Variants in MED26 observed in about 807,000 individuals in gnomAD.
The protein encoded by MED26 is mediator of RNA polymerase II transcription subunit 26.
Under a neutral mutation model 43.7 loss-of-function variants are expected in MED26, and 7 were observed. The ratio of observed to expected loss-of-function variants is 0.16; its 90% CI spans 0.09 to 0.30. The LOEUF is 0.30. Ranked by LOEUF, MED26 falls within the 10% of genes least tolerant of loss-of-function variation. MED26 has a pLI of 1.00. For missense variants in MED26, 784 were observed against 840.6 expected (o/e 0.93, Z 0.83); for synonymous variants, 375 against 371.1 (o/e 1.01, Z -0.12).
In MED26 at chr19:16,607,619, C is replaced by T. The variant is rs549751611; in HGVS notation, c.72+20253G>A. ...TCAACCCCGGAGCCCTGAGAGAACC[C>T]GGGGAGGTAATACATCTGGAGCAAG... On this transcript the variant is annotated intron_variant, in intron 1 of 2. Coordinates refer to ENST00000263390, the MANE Select transcript of MED26 (RefSeq NM_004831.5). 1.1e-4 allele frequency among the ~76,000 whole-genome samples: 17 copies of T among 152,282 alleles called. No individual in the cohort carries two copies. In the South Asian group the frequency reaches 2.7e-3, roughly 24 times the overall value.
chr19:16,606,980 C>A (rs1296956732), intron 1 of MED26, among the ~76,000 whole-genome samples: 1 of 152,140 alleles, frequency 6.6e-6, no homozygotes, highest in Admixed American at 6.5e-5. Context: ...GTCTCAGACT[C>A]CCAAAGTGTC....
In MED26 at chr19:16,623,762, C is replaced by T. The variant is rs117968931; in HGVS notation, c.72+4110G>A. On this transcript the variant is annotated intron_variant, in intron 1 of 2. Coordinates refer to ENST00000263390, the MANE Select transcript of MED26 (RefSeq NM_004831.5). ...GCCTCTTCCGGAGCCATCTCTCCAA[C>T]TTTCAAGGCAGCGTGGTGGTGTTCA... Among the ~76,000 whole-genome samples the T allele has an allele frequency of 1.8e-3, 276 of 152,296 alleles. 7 individuals carry two copies. The East Asian group carries it at 0.046, about 26-fold the overall frequency.
chr19:16,623,655 C>G (rs911564538), intron 1 of MED26, among the ~76,000 whole-genome samples: 1 of 152,170 alleles, frequency 6.6e-6, no homozygotes, highest in African/African-American at 2.4e-5. Flanking sequence ...CAGCCCCAAT[C>G]TGTAATCTCA....
At position 16,586,006 on chromosome 19, in the gene MED26, G is replaced by A. The variant is rs1204895881; in HGVS notation, c.73-7597C>T. Among the ~76,000 whole-genome samples, 1 of 152,236 alleles carries A rather than the reference G, an allele frequency of 6.6e-6. No individual in the cohort carries two copies. Among genetic ancestry groups the A allele is most frequent in the Non-Finnish European group, 1.5e-5 (1 of 68,036 alleles). On this transcript the variant is annotated intron_variant, in intron 1 of 2. Coordinates refer to ENST00000263390, the MANE Select transcript of MED26 (RefSeq NM_004831.5). This position sits in a 1 kb window ranked among gnomAD's most constrained non-coding sequence, Gnocchi z 5.1. ...GTCTGAAACAAGGAACTGAGACTGA[G>A]TTTTGAGTCCCAGCAGCCCCTTGGC...
chr19:16,611,156 G>GCA (rs770963032), intron 1 of MED26: 3 of 152,812 alleles, frequency 2.0e-5, no homozygotes, highest in Non-Finnish European at 4.4e-5. Flanking sequence ...TGGAGAACAT[G>GCA]CATCCTGGCA....
intron 1 of MED26, among the ~76,000 whole-genome samples, chr19:16,619,363 C>T (rs1033254445): frequency 3.3e-5 from 5 of 152,148 alleles, no homozygotes; most frequent in Admixed American, 1.3e-4. Flanking sequence ...ACAGGAGAGC[C>T]GTTAGCTACC....
chr19:16,580,675 G>A (rs1568280146), intron 1 of MED26, among the ~76,000 whole-genome samples: 1 of 152,080 alleles, frequency 6.6e-6, no homozygotes, highest in Non-Finnish European at 1.5e-5. Context: ...CCGGCCCAGA[G>A]TTCAGCTCTT....
At chr19:16,612,301 T>G (rs2086203191) in intron 1 of MED26, 1 of 152,216 alleles carries the variant, frequency 6.6e-6, no homozygotes, top group Non-Finnish European at 1.5e-5. Context: ...GGTTTTTTTC[T>G]TGAGACAGGG....
Position 16,597,370 on chromosome 19 carries a change from G to A in MED26, c.73-18961C>T, listed in dbSNP as rs79972901. The A allele has an allele frequency of 5.7e-3, 2,267 of 398,526 alleles. 15 individuals are homozygous for A. The highest frequency in any genetic ancestry group is 6.3e-3 in the Non-Finnish European group (1,429 of 226,058). 24.7% of individuals were successfully genotyped at this position (398,526 alleles called of 1,614,324 possible). On this transcript the variant is annotated intron_variant, in intron 1 of 2. Transcript: ENST00000263390. ...CAGATCCCAGTATGACACATTCTCC[G>A]ACATTCCCACTTTCCTAGTTTATTT...
intron 1 of MED26, among the ~76,000 whole-genome samples, chr19:16,613,209 T>TA (rs1423921685): frequency 6.6e-6 from 1 of 152,204 alleles, no homozygotes; most frequent in Non-Finnish European, 1.5e-5. Flanking sequence ...CCCAAACTCT[T>TA]ACATATTAAA....
chr19:16,628,057 G>A lies in MED26; in HGVS notation c.-114C>T. 5.3e-6 allele frequency: 3 copies of A among 570,772 alleles called. No homozygotes were observed. The highest frequency in any genetic ancestry group is 8.0e-6 in the Non-Finnish European group (3 of 377,336). 35.4% of individuals were successfully genotyped at this position (570,772 alleles called of 1,614,324 possible). ...GAGCCGGAGCCGCATGTTCCCCGCGGCGCCGGGGGGTTGGGGGCGCGCGGG... is the reference window on the plus strand; with the variant it reads ...GAGCCGGAGCCGCATGTTCCCCGCGACGCCGGGGGGTTGGGGGCGCGCGGG... On this transcript the variant is annotated 5_prime_UTR_variant, in exon 1 of 3. Coordinates refer to ENST00000263390, the MANE Select transcript of MED26 (RefSeq NM_004831.5).
intron 1 of MED26, among the ~76,000 whole-genome samples, chr19:16,578,965 C>G (rs182693981): frequency 2.0e-5 from 3 of 152,240 alleles, no homozygotes; most frequent in African/African-American, 7.2e-5. Context: ...GTTGGGTGTG[C>G]TGGCATGCGC....
At chr19:16,582,143 G>C (rs115734524) in intron 1 of MED26, among the ~76,000 whole-genome samples, 6,303 of 152,336 alleles carry the variant, frequency 0.041, 178 homozygotes, top group African/African-American at 0.084. Context: ...GAGAGGGTGA[G>C]TGTCCAGTGC....
At chr19:16,591,877 T>C (rs1321314959) in intron 1 of MED26, among the ~76,000 whole-genome samples, 3 of 152,230 alleles carry the variant, frequency 2.0e-5, no homozygotes, top group Admixed American at 6.5e-5. Context: ...AAATCCTGAC[T>C]TTCCCCGCTA....
chr19:16,618,910 G>A (rs968018760), intron 1 of MED26, among the ~76,000 whole-genome samples: 2 of 152,148 alleles, frequency 1.3e-5, no homozygotes, highest in Admixed American at 6.5e-5. Context: ...TCCTGAAACT[G>A]CTGGGATGGA....
At chr19:16,590,289 C>T (rs998680744) in intron 1 of MED26, among the ~76,000 whole-genome samples, 2 of 152,226 alleles carry the variant, frequency 1.3e-5, no homozygotes, top group African/African-American at 4.8e-5. Flanking sequence ...ACTTTCCCAT[C>T]CAAGAAGCCA....
At chr19:16,598,397 C>A (rs1431903612) in intron 1 of MED26, among the ~76,000 whole-genome samples, 2 of 151,542 alleles carry the variant, frequency 1.3e-5, no homozygotes, top group Non-Finnish European at 2.9e-5. Context: ...AGGCTCACCC[C>A]ACCCCCAGAA....
intron 1 of MED26, among the ~76,000 whole-genome samples, chr19:16,616,152 C>A (rs2086225302): frequency 6.6e-6 from 1 of 152,206 alleles, no homozygotes; most frequent in Non-Finnish European, 1.5e-5. Context: ...TACCACCAAG[C>A]CTGTGTATTA....
chr19:16,595,633 A>C (rs1366179017), intron 1 of MED26, among the ~76,000 whole-genome samples: 2 of 151,968 alleles, frequency 1.3e-5, no homozygotes, highest in Non-Finnish European at 2.9e-5. Flanking sequence ...TGTGGAGCCA[A>C]CTCACACCCT....
Sources: allele counts gnomAD v4.1 joint callset (sites outside exome capture counted in the v4.1 genomes callset), GRCh38; gene constraint gnomAD v4.1.1; non-coding constraint Gnocchi (gnomAD v3.1); transcripts MANE v1.5; gene names NCBI Gene and HGNC (gene_info 2026-07-23, HGNC 2026-07-21).